Variants in RHOU observed in about 807,000 individuals in gnomAD.
The protein encoded by RHOU is rho-related GTP-binding protein RhoU.
In RHOU, 8 loss-of-function variants were observed where a neutral mutation model predicts 12.6. The observed-to-expected ratio is 0.64, with a 90% CI of 0.37 to 1.15. The LOEUF (loss-of-function observed/expected upper bound fraction) is 1.15. Among genes scored for constraint, RHOU ranks in the 50% most tolerant of loss-of-function variants. RHOU has a pLI of 0.01. For synonymous variants in RHOU, 161 were observed against 147.4 expected (o/e 1.09, Z -0.67); for missense variants, 258 against 347.0 (o/e 0.74, Z 2.04).
the RHOU span, among the ~76,000 whole-genome samples, chr1:228,671,440 G>T: frequency 6.6e-6 from 1 of 151,952 alleles, no homozygotes; most frequent in Admixed American, 6.6e-5. Flanking sequence ...CAATCGGCCG[G>T]GGGTGGTGGG....
chr1:228,699,947 G>T, the RHOU span, among the ~76,000 whole-genome samples: 1 of 152,120 alleles, frequency 6.6e-6, no homozygotes, highest in Non-Finnish European at 1.5e-5. Context: ...TATCTTTCTA[G>T]AATTATAGGT....
the RHOU span, among the ~76,000 whole-genome samples, chr1:228,658,905 AT>A: frequency 1.3e-5 from 2 of 152,196 alleles, no homozygotes; most frequent in Non-Finnish European, 1.5e-5. Flanking sequence ...GACCAACTGT[AT>A]TTATTGAAAA....
the RHOU span, among the ~76,000 whole-genome samples, chr1:228,674,535 G>A: frequency 4.6e-5 from 7 of 151,246 alleles, no homozygotes; most frequent in Non-Finnish European, 1.0e-4. Context: ...TAGTAGAAAC[G>A]GAGTTTCACC....
At chr1:228,677,071 G>A in the RHOU span, among the ~76,000 whole-genome samples, 1 of 152,128 alleles carries the variant, frequency 6.6e-6, no homozygotes, top group African/African-American at 2.4e-5. Flanking sequence ...TTTTGGGGTG[G>A]TATGGAGAGA....
chr1:228,662,995 G>C, the RHOU span, among the ~76,000 whole-genome samples: 1 of 152,082 alleles, frequency 6.6e-6, no homozygotes, highest in Non-Finnish European at 1.5e-5. Context: ...TAGACCAGAG[G>C]TCCACAACTA....
At chr1:228,707,523 G>A in the RHOU span, among the ~76,000 whole-genome samples, 1 of 151,604 alleles carries the variant, frequency 6.6e-6, no homozygotes, top group African/African-American at 2.4e-5. Flanking sequence ...CAGCCTAACT[G>A]GGAGGCACCC....
chr1:228,739,313 C>T (rs915107374), intron 2 of RHOU, among the ~76,000 whole-genome samples: 5 of 152,018 alleles, frequency 3.3e-5, no homozygotes, highest in African/African-American at 9.7e-5. Context: ...CGCCTGTAAT[C>T]CCAGCACTTT....
At chr1:228,698,510 T>C in the RHOU span, among the ~76,000 whole-genome samples, 7 of 152,378 alleles carry the variant, frequency 4.6e-5, no homozygotes, top group African/African-American at 1.7e-4. Context: ...ACCATTTTAG[T>C]ATGAGAATTT....
chr1:228,727,519 C>T, the RHOU span, among the ~76,000 whole-genome samples: 1 of 152,136 alleles, frequency 6.6e-6, no homozygotes, highest in Non-Finnish European at 1.5e-5. Context: ...CCATGTTGCC[C>T]AGGCTCGTTT....
In RHOU at chr1:228,745,735, G is replaced by A. The variant is rs1662818689; in HGVS notation, c.*1995G>A. On this transcript the variant is annotated 3_prime_UTR_variant, in exon 3 of 3. Transcript: ENST00000366691. ...CGCCTGGCTTACCTATCTGTGGAAA[G>A]CTAGGCTTCCCAGGCTGGGCTCTGC... The A allele has an allele frequency of 6.6e-6, 1 of 152,242 alleles. No homozygotes were observed. The highest frequency in any genetic ancestry group is 2.4e-5 in the African/African-American group (1 of 41,452). The allele number at this position is 152,242 out of a possible 1,614,324, so 9.4% of individuals were successfully genotyped here. A position where few individuals can be genotyped will look rare whatever the true frequency, so the allele number is the denominator to read the frequency against.
In RHOU at chr1:228,738,554, C is replaced by T. The variant is rs1662660440; in HGVS notation, c.321+823C>T. On this transcript the variant is annotated intron_variant, in intron 2 of 2. Coordinates refer to ENST00000366691, the MANE Select transcript of RHOU (RefSeq NM_021205.6). The surrounding 1 kb of genome is among the most constrained non-coding windows in gnomAD (Gnocchi z 4.2). ...TACTTTGTAGGCAGGTGAAAGTGCC[C>T]CCTTCACTTTCTGAGGTGCCATCAC... Among the ~76,000 whole-genome samples the T allele has an allele frequency of 6.6e-6, 1 of 152,124 alleles. No individual in the cohort carries two copies. Among genetic ancestry groups the T allele is most frequent in the Non-Finnish European group, 1.5e-5 (1 of 68,012 alleles).
chr1:228,709,123 T>C, the RHOU span, among the ~76,000 whole-genome samples: 1 of 152,046 alleles, frequency 6.6e-6, no homozygotes, highest in African/African-American at 2.4e-5. Flanking sequence ...CCTAAATATA[T>C]ATGCACCCAA....
the RHOU span, among the ~76,000 whole-genome samples, chr1:228,709,948 A>G: frequency 6.6e-6 from 1 of 152,236 alleles, no homozygotes; most frequent in African/African-American, 2.4e-5. Context: ...GAAGAATCAA[A>G]TAGGAGCAAT....
the RHOU span, among the ~76,000 whole-genome samples, chr1:228,693,580 C>T: frequency 3.3e-5 from 5 of 152,146 alleles, no homozygotes; most frequent in Admixed American, 6.5e-5. Flanking sequence ...GATTCTTCTG[C>T]CTCAGTCTCC....
the RHOU span, among the ~76,000 whole-genome samples, chr1:228,708,722 C>A: frequency 1.3e-5 from 2 of 151,832 alleles, no homozygotes; most frequent in African/African-American, 2.4e-5. Context: ...ATGTAAAGAC[C>A]ATCGAGACTA....
the RHOU span, chr1:228,687,400 C>A: frequency 2.9e-6 from 3 of 1,047,668 alleles, no homozygotes; most frequent in African/African-American, 1.6e-5. Flanking sequence ...TAAAGGAAAC[C>A]CCAACATGCA....
At chr1:228,659,552 T>A in the RHOU span, among the ~76,000 whole-genome samples, 3 of 143,882 alleles carry the variant, frequency 2.1e-5, no homozygotes, top group Non-Finnish European at 1.5e-5. Flanking sequence ...AAGGAGAAAA[T>A]CAACAAAACC....
the RHOU span, among the ~76,000 whole-genome samples, chr1:228,670,181 C>G: frequency 2.6e-5 from 4 of 152,168 alleles, no homozygotes; most frequent in Admixed American, 6.5e-5. Flanking sequence ...GGTTGGGGGT[C>G]AGGAAAGACC....
the RHOU span, among the ~76,000 whole-genome samples, chr1:228,662,758 C>T: frequency 2.0e-5 from 3 of 152,106 alleles, no homozygotes; most frequent in South Asian, 6.2e-4. Flanking sequence ...TGCAGCAAAC[C>T]AACATGGCAC....
Sources: allele counts gnomAD v4.1 joint callset (sites outside exome capture counted in the v4.1 genomes callset), GRCh38; gene constraint gnomAD v4.1.1; non-coding constraint Gnocchi (gnomAD v3.1); transcripts MANE v1.5; gene names NCBI Gene and HGNC (gene_info 2026-07-23, HGNC 2026-07-21).